The following MMP25 variants were observed in gnomAD, a reference collection of about 807,000 sequenced individuals.
MMP25 encodes matrix metallopeptidase 25, also known as matrix metalloproteinase-25.
In MMP25, 68 loss-of-function variants were observed where a neutral mutation model predicts 62.1. That is an observed-to-expected ratio of 1.10 (90% CI 0.90 to 1.34). The LOEUF is 1.34. Among genes scored for constraint, MMP25 ranks in the 40% most tolerant of loss-of-function variants. The probability of loss-of-function intolerance (pLI) is 0.00; values close to 1 mark genes in which losing one functional copy is unlikely to be tolerated. For missense variants in MMP25, 942 were observed against 792.5 expected (o/e 1.19, Z -2.26); for synonymous variants, 407 against 345.6 (o/e 1.18, Z -1.97).
At chr16:3,058,133 A>T in intron 7 of MMP25, 48 bp from the exon 8 acceptor site, 1 of 1,592,584 alleles carries the variant, frequency 6.3e-7, no homozygotes, top group Non-Finnish European at 8.5e-7. Flanking sequence ...GGGGGAGGAG[A>T]CCTCCTGCTG....
Position 3,046,989 on chromosome 16 carries a change from C to T in MMP25, c.72C>T (p.Pro24=), listed in dbSNP as rs1050606898. The change falls in exon 1 of 10, where the codon CCC becomes CCT. Residue 24 remains proline (P), a synonymous_variant. Transcript: ENST00000336577. Reference sequence around the variant, plus strand: ...CACCGCCCGCGCGCGCCCCGAAGCCCTCGGCGCAGGACGTGAGCCTGGGCG... The same window carrying T: ...CACCGCCCGCGCGCGCCCCGAAGCCTTCGGCGCAGGACGTGAGCCTGGGCG... ...LLAPPARAPK[P]SAQDVSLGVD... 9 of 1,472,116 alleles carry T rather than the reference C, an allele frequency of 6.1e-6. No individual in the cohort carries two copies. Among genetic ancestry groups the T allele is most frequent in the Non-Finnish European group, 8.0e-6 (9 of 1,119,936 alleles). The allele number at this position is 1,472,116 out of a possible 1,614,324, so 91.2% of individuals were successfully genotyped here. A position where few individuals can be genotyped will look rare whatever the true frequency, so the allele number is the denominator to read the frequency against.
At position 3,050,246 on chromosome 16, in the gene MMP25, C is replaced by T. The variant is rs746901433; in HGVS notation, c.369-8C>T. 1.3e-5 allele frequency: 21 copies of T among 1,583,698 alleles called. No individual in the cohort carries two copies. The highest frequency in any genetic ancestry group is 2.7e-5 in the African/African-American group (2 of 74,394). ...GGCCACCCTTACACCTCACTCCCCTCTCCCCAGGGTACGTTCCTTCCCCCA... is the reference window on the plus strand; with the variant it reads ...GGCCACCCTTACACCTCACTCCCCTTTCCCCAGGGTACGTTCCTTCCCCCA... On this transcript the variant is annotated splice_region_variant and splice_polypyrimidine_tract_variant and intron_variant, in intron 3 of 9. Coordinates refer to ENST00000336577, the MANE Select transcript of MMP25 (RefSeq NM_022468.5).
intron 2 of MMP25, 110 bp downstream of exon 2, chr16:3,047,657 G>T: frequency 1.6e-6 from 2 of 1,283,884 alleles, no homozygotes; most frequent in South Asian, 1.4e-5. Context: ...TGAAGATGCT[G>T]ATCTCAGGCC....
chr16:3,049,881 G>A, intron 2 of MMP25, 128 bp from the exon 3 acceptor site: 1 of 1,374,342 alleles, frequency 7.3e-7, no homozygotes, highest in South Asian at 1.2e-5. Context: ...GGGCTGTGGG[G>A]CCTTCGAGGG....
intron 4 of MMP25, 90 bp from the exon 5 acceptor site, chr16:3,056,943 C>T (rs1172257840): frequency 5.5e-5 from 77 of 1,407,044 alleles, no homozygotes; most frequent in Non-Finnish European, 7.2e-5. Flanking sequence ...CCTGCTGTTC[C>T]TGTTGGCCCC....
intron 7 of MMP25, 60 bp from the exon 8 acceptor site, chr16:3,058,121 C>G (rs1397297312): frequency 1.9e-6 from 3 of 1,592,288 alleles, no homozygotes; most frequent in Non-Finnish European, 2.6e-6. Flanking sequence ...GCCACACACC[C>G]TGGGGGAGGA....
chr16:3,047,530 C>T lies in MMP25; in HGVS notation c.215C>T (p.Pro72Leu), dbSNP rs200601704. 6 of 1,613,224 alleles carry T rather than the reference C, an allele frequency of 3.7e-6. No homozygotes were observed. In the East Asian group the frequency reaches 1.3e-4, roughly 36 times the overall value. The change falls in exon 2 of 10, where the codon CCG (proline) becomes CTG (leucine). Residue 72 changes from proline (P) to leucine (L), a missense_variant. Physicochemically the swap from Pro to Leu is moderately conservative, Grantham distance 98. Transcript: ENST00000336577. The part of the protein sequence containing the change: ...IKVMQRFAGL[P>L]ETGRMDPGTV... ...GTCATGCAGAGGTTCGCGGGGCTGC[C>T]GGAGACCGGCCGCATGGGTAGGTGG...
At chr16:3,053,652 A>C (rs1955945194) in intron 4 of MMP25, 1 of 151,962 alleles carries the variant, frequency 6.6e-6, no homozygotes, top group Non-Finnish European at 1.5e-5. Context: ...CGTGACTGTC[A>C]GGTACAGAGC....
Position 3,059,434 on chromosome 16 carries a change from A to T in MMP25, c.*336A>T. 1 of 231,138 alleles carries T rather than the reference A, an allele frequency of 4.3e-6. No individual in the cohort carries two copies. Among genetic ancestry groups the T allele is most frequent in the Non-Finnish European group, 8.4e-6 (1 of 119,298 alleles). The allele number at this position is 231,138 out of a possible 1,614,324, so 14.3% of individuals were successfully genotyped here. A position where few individuals can be genotyped will look rare whatever the true frequency, so the allele number is the denominator to read the frequency against. On this transcript the variant is annotated 3_prime_UTR_variant, in exon 10 of 10. Coordinates refer to ENST00000336577, the MANE Select transcript of MMP25 (RefSeq NM_022468.5). ...GGGGGCGGTCGGACCCCGCCTCCCG[A>T]GCCCGGGGAGGGGCGGGGAGGACAA...
Position 3,047,545 on chromosome 16 carries a change from T to G in MMP25, c.230T>G (p.Met77Arg). The change falls in exon 2 of 10, where the codon ATG becomes AGG. Residue 77 changes from methionine (M) to arginine (R), a missense_variant and splice_region_variant. Transcript: ENST00000336577. ...GCGGGGCTGCCGGAGACCGGCCGCA[T>G]GGGTAGGTGGCCCCCACCCCTCCCC... ...RFAGLPETGR[M>R]DPGTVATMRK... is the part of the protein sequence containing the mutation. 1 of 1,612,528 alleles carries G rather than the reference T, an allele frequency of 6.2e-7. No individual in the cohort carries two copies. Among genetic ancestry groups the G allele is most frequent in the Non-Finnish European group, 8.5e-7 (1 of 1,179,738 alleles).
At chr16:3,058,108 C>T in intron 7 of MMP25, 73 bp from the exon 8 acceptor site, 1 of 1,554,752 alleles carries the variant, frequency 6.4e-7, no homozygotes, top group South Asian at 1.2e-5. Context: ...CCCTCCCCAC[C>T]CAGCCACACA....
At position 3,050,242 on chromosome 16, in the gene MMP25, C is replaced by T. The variant is rs1267367638; in HGVS notation, c.369-12C>T. ...CCACGGCCACCCTTACACCTCACTCCCCTCTCCCCAGGGTACGTTCCTTCC... is the reference window on the plus strand; with the variant it reads ...CCACGGCCACCCTTACACCTCACTCTCCTCTCCCCAGGGTACGTTCCTTCC... On this transcript the variant is annotated splice_polypyrimidine_tract_variant and intron_variant, in intron 3 of 9. Transcript: ENST00000336577. The T allele has an allele frequency of 8.2e-6, 13 of 1,582,166 alleles. No homozygotes were observed. The highest frequency in any genetic ancestry group is 1.1e-5 in the Non-Finnish European group (13 of 1,160,502).
chr16:3,049,919 G>C, intron 2 of MMP25, 90 bp from the exon 3 acceptor site: 1 of 1,578,690 alleles, frequency 6.3e-7, no homozygotes, highest in East Asian at 2.2e-5. Flanking sequence ...CTGAGCCTCA[G>C]TTTTCCCATG....
Position 3,050,349 on chromosome 16 carries a change from T to A in MMP25, c.464T>A (p.Leu155His). The A allele has an allele frequency of 6.2e-7, 1 of 1,614,010 alleles. No individual in the cohort carries two copies. The highest frequency in any genetic ancestry group is 8.5e-7 in the Non-Finnish European group (1 of 1,179,998). The change falls in exon 4 of 10, where the codon CTC becomes CAC. Residue 155 changes from leucine to histidine, a missense_variant. Transcript: ENST00000336577. ...ALMAWGMESG[L>H]TFHEVDSPQG... ...ATGGCCTGGGGCATGGAGTCAGGCC[T>A]CACATTTCATGAGGTGGATTCCCCC... is the stretch of plus-strand genomic sequence containing the variant.
At position 3,057,318 on chromosome 16, in the gene MMP25, C is replaced by T; in HGVS notation, c.847C>T (p.Pro283Ser). ...DGLQQLYGKA[P>S]QTPYDKPTRK... The stretch of plus-strand genomic sequence containing the variant: ...TGACTCTTTCCTCACAGGGAAGGCG[C>T]CCCAAACCCCATATGACAAGCCCAC... Residue 283 changes from proline (P) to serine (S), a missense_variant, in exon 6 of 10, where the codon CCC becomes TCC. Physicochemically the swap from Pro to Ser is moderately conservative, Grantham distance 74. Transcript: ENST00000336577. 1.9e-6 allele frequency: 3 copies of T among 1,614,052 alleles called. No individual in the cohort carries two copies. The highest frequency in any genetic ancestry group is 1.7e-4 in the Middle Eastern group (1 of 6,060).
intron 4 of MMP25, chr16:3,056,077 G>C (rs1332958974): frequency 2.7e-6 from 1 of 371,920 alleles, no homozygotes; most frequent in African/African-American, 2.1e-5. Context: ...GGGTGGTACA[G>C]GGTAGGGAGA....
In MMP25 at chr16:3,050,499, G is replaced by A; in HGVS notation, c.614G>A (p.Gly205Glu). Residue 205 changes from glycine to glutamate, a missense_variant, in exon 4 of 10, where the codon GGG becomes GAG. By Grantham distance (98) the Gly-to-Glu change is moderately conservative (BLOSUM62 -2). Transcript: ENST00000336577. ...AFFPGEHPIS[G>E]DTHFDDEETW... is the part of the protein sequence containing the mutation. ...TTCCCTGGGGAGCACCCCATCTCCG[G>A]GGACACTCACTTTGACGATGAGGAG... 6.3e-7 allele frequency: 1 copy of A among 1,593,916 alleles called. No homozygotes were observed. The highest frequency in any genetic ancestry group is 8.6e-7 in the Non-Finnish European group (1 of 1,167,834).
intron 4 of MMP25, among the ~76,000 whole-genome samples, chr16:3,056,402 TC>T (rs200672521): frequency 1.7e-4 from 25 of 151,170 alleles, no homozygotes; most frequent in South Asian, 4.2e-4. Flanking sequence ...TCTTTTTTTT[TC>T]TTTTTACTTT....
chr16:3,056,187 G>A (rs888412784), intron 4 of MMP25: 1 of 190,510 alleles, frequency 5.2e-6, no homozygotes, highest in Non-Finnish European at 1.1e-5. Context: ...GCAGGAATGA[G>A]GGAAGGTCTT....
Sources: gnomAD v4.1 joint callset for allele counts (sites outside exome capture counted in the v4.1 genomes callset) on GRCh38, gnomAD v4.1.1 for gene constraint, MANE v1.5 for transcripts, NCBI Gene and HGNC (gene_info 2026-07-23, HGNC 2026-07-21) for gene names.